ROPN1L: variants seen among roughly 807,000 people sequenced by gnomAD.
ROPN1L encodes the protein ropporin-1-like protein.
In ROPN1L, 23 loss-of-function variants were observed where a neutral mutation model predicts 22.7. The ratio of observed to expected loss-of-function variants is 1.01; its 90% CI spans 0.73 to 1.43. The LOEUF (loss-of-function observed/expected upper bound fraction) is 1.43, where lower values mean the gene tolerates loss of function less well. ROPN1L is among the 40% of genes most tolerant of loss of function. The pLI, the probability that ROPN1L is intolerant of heterozygous loss-of-function variation, is 0.00. For missense variants in ROPN1L, 271 were observed against 291.5 expected, an observed-to-expected ratio of 0.93 and a Z score of 0.51; for synonymous variants, 116 against 117.8, an observed-to-expected ratio of 0.98 and a Z score of 0.10.
chr5:10,481,816 C>T, the ROPN1L span: 1 of 152,168 alleles, frequency 6.6e-6, no homozygotes. Context: ...TTTGTCCCAG[C>T]GGGAGATGTT....
chr5:10,473,158 G>T (rs1735274724), downstream of ROPN1L, among the ~76,000 whole-genome samples: 1 of 152,202 alleles, frequency 6.6e-6, no homozygotes, highest in Non-Finnish European at 1.5e-5. Context: ...TTCCCTGGTT[G>T]TAGTCAGTTG....
intron 4 of ROPN1L, among the ~76,000 whole-genome samples, chr5:10,463,269 G>A (rs1735075853): frequency 6.6e-6 from 1 of 152,214 alleles, no homozygotes; most frequent in African/African-American, 2.4e-5. Context: ...ACAAGATGCA[G>A]AGTAAAAAGG....
chr5:10,464,321 C>T (rs1735109341), intron 4 of ROPN1L, among the ~76,000 whole-genome samples: 1 of 152,236 alleles, frequency 6.6e-6, no homozygotes, highest in Admixed American at 6.5e-5. Context: ...TGTCTGCAGT[C>T]ACATGGACGA....
At chr5:10,469,177 T>A (rs947693607), downstream of ROPN1L, among the ~76,000 whole-genome samples, 1 of 151,260 alleles carries the variant, frequency 6.6e-6, no homozygotes, top group African/African-American at 2.4e-5. Flanking sequence ...AAATAAACTC[T>A]GAAGATGATG....
intron 4 of ROPN1L, among the ~76,000 whole-genome samples, chr5:10,462,707 A>C (rs1303332514): frequency 3.3e-5 from 5 of 152,144 alleles, no homozygotes; most frequent in African/African-American, 1.2e-4. Flanking sequence ...CAGCCTGGCC[A>C]ATATGGCAAA....
chr5:10,458,372 C>T (rs901062134), intron 3 of ROPN1L, among the ~76,000 whole-genome samples: 2 of 151,866 alleles, frequency 1.3e-5, no homozygotes, highest in Non-Finnish European at 2.9e-5. Flanking sequence ...TCGGCAACCT[C>T]GTGGGGCTCG....
chr5:10,461,902 C>G (rs1735038048), intron 4 of ROPN1L, among the ~76,000 whole-genome samples: 1 of 152,186 alleles, frequency 6.6e-6, no homozygotes, highest in African/African-American at 2.4e-5. Context: ...GGCTTTTGCC[C>G]CCATGGAGTT....
downstream of ROPN1L, among the ~76,000 whole-genome samples, chr5:10,475,767 A>G (rs1444186485): frequency 6.6e-6 from 1 of 152,224 alleles, no homozygotes; most frequent in Non-Finnish European, 1.5e-5. Context: ...AAACTACAGA[A>G]AGTAATGGAC....
intron 3 of ROPN1L, 36 bp downstream of exon 3, chr5:10,450,149 G>T (rs376523600): frequency 3.7e-5 from 54 of 1,464,178 alleles, no homozygotes; most frequent in South Asian, 2.4e-4. Context: ...ATAATTCTGT[G>T]TCATCATGGT....
At chr5:10,460,893 C>A (rs141689598) in intron 3 of ROPN1L, among the ~76,000 whole-genome samples, 231 of 152,358 alleles carry the variant, frequency 1.5e-3, no homozygotes, top group African/African-American at 5.4e-3. Context: ...AGTTGGTTTT[C>A]AAGACATTGA....
chr5:10,459,972 C>T (rs1734985023), intron 3 of ROPN1L, among the ~76,000 whole-genome samples: 1 of 152,188 alleles, frequency 6.6e-6, no homozygotes, highest in African/African-American at 2.4e-5. Context: ...AAGCAGCCAC[C>T]TGTGTGAGCT....
At chr5:10,442,340 C>T in intron 1 of ROPN1L, 42 bp downstream of exon 1, 1 of 1,605,550 alleles carries the variant, frequency 6.2e-7, no homozygotes, top group Non-Finnish European at 8.5e-7. Context: ...TCTACATGCC[C>T]AAGCCAGACG....
downstream of ROPN1L, among the ~76,000 whole-genome samples, chr5:10,473,987 A>G (rs1735285563): frequency 1.3e-5 from 2 of 152,016 alleles, no homozygotes; most frequent in African/African-American, 2.4e-5. Flanking sequence ...CCCCGTCTCT[A>G]CTAAAATACA....
intron 1 of ROPN1L, among the ~76,000 whole-genome samples, chr5:10,443,075 C>T (rs553123860): frequency 6.6e-6 from 1 of 152,312 alleles, no homozygotes; most frequent in East Asian, 1.9e-4. Flanking sequence ...CAAATTTTGG[C>T]TGGGCTTGGT....
At chr5:10,469,264 C>T (rs2126479979), downstream of ROPN1L, among the ~76,000 whole-genome samples, 1 of 151,764 alleles carries the variant, frequency 6.6e-6, no homozygotes, top group Middle Eastern at 3.4e-3. Context: ...TGTTTGAGCC[C>T]AGGAGTTTGA....
intron 3 of ROPN1L, among the ~76,000 whole-genome samples, chr5:10,455,084 C>T (rs2126449300): frequency 6.6e-6 from 1 of 152,336 alleles, no homozygotes; most frequent in African/African-American, 2.4e-5. Flanking sequence ...GGCATTCAAC[C>T]TCGGCCTCCT....
intron 1 of ROPN1L, among the ~76,000 whole-genome samples, chr5:10,445,691 C>G (rs568925103): frequency 6.6e-6 from 1 of 152,122 alleles, no homozygotes; most frequent in African/African-American, 2.4e-5. Flanking sequence ...TTTGGGAGGA[C>G]GAGGCGGACA....
chr5:10,450,763 CAA>C (rs1383411800), intron 3 of ROPN1L, among the ~76,000 whole-genome samples: 1 of 152,166 alleles, frequency 6.6e-6, no homozygotes, highest in African/African-American at 2.4e-5. Context: ...CTTGGCCTCC[CAA>C]AGTGTTGGGA....
At chr5:10,464,093 C>T (rs1489321127) in intron 4 of ROPN1L, among the ~76,000 whole-genome samples, 3 of 152,216 alleles carry the variant, frequency 2.0e-5, no homozygotes, top group Non-Finnish European at 4.4e-5. Context: ...CTGTCCCAGC[C>T]GTCCTCGTCT....
Sources: gnomAD v4.1 joint callset for allele counts (sites outside exome capture counted in the v4.1 genomes callset) on GRCh38, gnomAD v4.1.1 for gene constraint, MANE v1.5 for transcripts, NCBI Gene and HGNC (gene_info 2026-07-23, HGNC 2026-07-21) for gene names.